The following STAP1 variants were observed in gnomAD, a reference collection of about 807,000 sequenced individuals.
The protein encoded by STAP1 is signal transducing adaptor family member 1, also known as signal-transducing adaptor protein 1.
A neutral mutation model predicts 37.8 loss-of-function variants in STAP1; 30 were observed. The ratio of observed to expected loss-of-function variants is 0.79; its 90% CI spans 0.59 to 1.08. STAP1 has a LOEUF of 1.08. Among genes scored for constraint, STAP1 ranks in the 50% least tolerant of loss-of-function variants. The pLI, the probability that STAP1 is intolerant of heterozygous loss-of-function variation, is 0.00. For synonymous variants in STAP1, 130 were observed against 116.0 expected (o/e 1.12, Z -0.78); for missense variants, 357 against 349.4 (o/e 1.02, Z -0.17).
intron 8 of STAP1, among the ~76,000 whole-genome samples, chr4:67,597,762 G>A (rs1488643203): frequency 6.6e-6 from 1 of 152,154 alleles, no homozygotes; most frequent in Non-Finnish European, 1.5e-5. Flanking sequence ...TAGCCCCTTT[G>A]TTTTGGCCAA....
Position 67,575,426 on chromosome 4 carries a change from T to C in STAP1, c.234T>C (p.Thr78=). Residue 78 remains threonine, a synonymous_variant, in exon 3 of 9, where the codon ACT becomes ACC. Transcript: ENST00000265404. The part of the protein sequence containing the change: ...KLDIVDLTCL[T]EQNSTEKNCA... ...ACATAGTAGACCTCACATGCCTTAC[T>C]GAGCAGAATTCAACTGAAAAGAACT... is the stretch of plus-strand genomic sequence containing the variant. 1 of 1,604,792 alleles carries C rather than the reference T, an allele frequency of 6.2e-7. No homozygotes were observed. The highest frequency in any genetic ancestry group is 1.1e-5 in the South Asian group (1 of 88,776).
At chr4:67,563,972 C>T (rs1727409290) in intron 1 of STAP1, among the ~76,000 whole-genome samples, 1 of 150,792 alleles carries the variant, frequency 6.6e-6, no homozygotes, top group Non-Finnish European at 1.5e-5. Flanking sequence ...GTGCTTCATT[C>T]CAAAGATATG....
At chr4:67,581,273 T>C in intron 4 of STAP1, 32 bp from the exon 5 acceptor site, 3 of 1,599,576 alleles carry the variant, frequency 1.9e-6, no homozygotes, top group Non-Finnish European at 2.6e-6. Context: ...TAAGCTGTTT[T>C]CTTGCCTGCC....
chr4:67,569,905 T>C (rs1727561958), intron 1 of STAP1, among the ~76,000 whole-genome samples: 1 of 152,168 alleles, frequency 6.6e-6, no homozygotes. Context: ...AATTTTTGTA[T>C]TTTTAGGTAG....
chr4:67,593,491 A>G (rs1728164204), intron 8 of STAP1, 135 bp downstream of exon 8: 1 of 643,740 alleles, frequency 1.6e-6, no homozygotes, highest in South Asian at 2.0e-5. Context: ...CCATTTGGAA[A>G]TCATTTTGTC....
chr4:67,559,180 T>C (rs948336471), intron 1 of STAP1, among the ~76,000 whole-genome samples: 8 of 152,178 alleles, frequency 5.3e-5, no homozygotes, highest in Non-Finnish European at 1.2e-4. Flanking sequence ...TATAAAAAAG[T>C]CAATAAGCTA....
Position 67,607,088 on chromosome 4 carries a change from A to T in STAP1, c.*731A>T, listed in dbSNP as rs1401370900. 1 of 152,192 alleles carries T rather than the reference A, an allele frequency of 6.6e-6. No homozygotes were observed. Among genetic ancestry groups the T allele is most frequent in the Non-Finnish European group, 1.5e-5 (1 of 68,024 alleles). The allele number at this position is 152,192 out of a possible 1,614,324, so 9.4% of individuals were successfully genotyped here. On this transcript the variant is annotated 3_prime_UTR_variant, in exon 9 of 9. Coordinates refer to ENST00000265404, the MANE Select transcript of STAP1 (RefSeq NM_012108.4). ...ATCAAAATAACAGGGATATTTTTTC[A>T]TAATTTTTTTCTTCAAAAGCAAACT... is the stretch of plus-strand genomic sequence containing the variant.
chr4:67,578,990 G>T (rs191540739), intron 4 of STAP1, among the ~76,000 whole-genome samples: 1 of 151,958 alleles, frequency 6.6e-6, no homozygotes, highest in South Asian at 2.1e-4. Flanking sequence ...CATCATGCCC[G>T]GCTAAGTTTT....
intron 1 of STAP1, among the ~76,000 whole-genome samples, chr4:67,567,741 G>A (rs1482024433): frequency 1.3e-5 from 2 of 152,088 alleles, no homozygotes; most frequent in Non-Finnish European, 2.9e-5. Context: ...TCAAGTCTAG[G>A]CTAGCTGACT....
At chr4:67,601,927 C>T (rs2109879266) in intron 8 of STAP1, among the ~76,000 whole-genome samples, 1 of 152,158 alleles carries the variant, frequency 6.6e-6, no homozygotes, top group Middle Eastern at 3.4e-3. Flanking sequence ...TTTGAATAAA[C>T]TTTCTACATT....
At chr4:67,582,746 T>C (rs1387546371) in intron 5 of STAP1, among the ~76,000 whole-genome samples, 1 of 152,188 alleles carries the variant, frequency 6.6e-6, no homozygotes, top group Non-Finnish European at 1.5e-5. Context: ...GCAAATGCAA[T>C]ATGCATTCAG....
Position 67,558,777 on chromosome 4 carries a change from C to T in STAP1, c.-33C>T, listed in dbSNP as rs189814280. 83 of 1,588,282 alleles carry T rather than the reference C, an allele frequency of 5.2e-5. No individual in the cohort carries two copies. Among genetic ancestry groups the T allele is most frequent in the Non-Finnish European group, 5.0e-5 (58 of 1,170,996 alleles). ...AAGGAAGATTTCATTTTGTTTGAGA[C>T]GAGAAACCAAACCACACACCAAAGA... On this transcript the variant is annotated 5_prime_UTR_variant, in exon 1 of 9. In the 5' UTR this introduces an upstream ATG that the reference lacks. Transcript: ENST00000265404.
At chr4:67,568,453 T>C (rs961812070) in intron 1 of STAP1, among the ~76,000 whole-genome samples, 1 of 152,204 alleles carries the variant, frequency 6.6e-6, no homozygotes, top group Admixed American at 6.5e-5. Context: ...AGTAAATCTT[T>C]AGATGTGAAA....
chr4:67,579,797 G>A (rs1040974512), intron 4 of STAP1, among the ~76,000 whole-genome samples: 1 of 152,168 alleles, frequency 6.6e-6, no homozygotes, highest in Non-Finnish European at 1.5e-5. Context: ...CAACACTGGG[G>A]CTAATTTAAC....
In STAP1 at chr4:67,575,456, G is replaced by A. The variant is rs752569279; in HGVS notation, c.264G>A (p.Ala88=). ...AGAATTCAACTGAAAAGAACTGTGCGAAATTCACCCTTGTTTTGCCGAAAG... is the reference window on the plus strand; with the variant it reads ...AGAATTCAACTGAAAAGAACTGTGCAAAATTCACCCTTGTTTTGCCGAAAG... The part of the protein sequence containing the change: ...TEQNSTEKNC[A]KFTLVLPKEE... Residue 88 remains alanine (A), a synonymous_variant, in exon 3 of 9, where the codon GCG becomes GCA. Transcript: ENST00000265404. The A allele has an allele frequency of 1.6e-5, 25 of 1,610,214 alleles. No homozygotes were observed. The South Asian group carries it at 1.9e-4, about 12-fold the overall frequency.
In STAP1 at chr4:67,607,196, G is replaced by T. The variant is rs1339679502; in HGVS notation, c.*839G>T. On this transcript the variant is annotated 3_prime_UTR_variant, in exon 9 of 9. Coordinates refer to ENST00000265404, the MANE Select transcript of STAP1 (RefSeq NM_012108.4). ...AAGATATGGTCTATATTCTACAGGG[G>T]AAAGACTATGTGAGACAGAGGGAGA... The T allele has an allele frequency of 6.6e-6, 1 of 152,154 alleles. No homozygotes were observed. The highest frequency in any genetic ancestry group is 1.5e-5 in the Non-Finnish European group (1 of 68,026). The allele number at this position is 152,154 out of a possible 1,614,324, so 9.4% of individuals were successfully genotyped here. A position where few individuals can be genotyped will look rare whatever the true frequency, so the allele number is the denominator to read the frequency against.
chr4:67,569,033 G>A (rs183139176), intron 1 of STAP1, among the ~76,000 whole-genome samples: 1 of 152,158 alleles, frequency 6.6e-6, no homozygotes, highest in Non-Finnish European at 1.5e-5. Flanking sequence ...TTTCATCATT[G>A]TGTGAACATC....
At chr4:67,592,851 T>A (rs1278946843) in intron 7 of STAP1, among the ~76,000 whole-genome samples, 1 of 152,112 alleles carries the variant, frequency 6.6e-6, no homozygotes, top group Non-Finnish European at 1.5e-5. Context: ...ACCTAGCTAA[T>A]TTTTTCAATT....
chr4:67,563,590 G>C (rs2046600), intron 1 of STAP1, among the ~76,000 whole-genome samples: 125,885 of 152,092 alleles, frequency 0.83, 52,970 homozygotes, highest in Non-Finnish European at 0.9. Flanking sequence ...GTATTCTCAG[G>C]TACTCGGGAG....
Sources: allele counts gnomAD v4.1 joint callset (sites outside exome capture counted in the v4.1 genomes callset), GRCh38; gene constraint gnomAD v4.1.1; transcripts MANE v1.5; gene names NCBI Gene and HGNC (gene_info 2026-07-23, HGNC 2026-07-21).